ZPBP: variants seen among roughly 807,000 people sequenced by gnomAD.
ZPBP encodes the protein zona pellucida binding protein.
In ZPBP, 26 loss-of-function variants were observed where a neutral mutation model predicts 44.8. That is an observed-to-expected ratio of 0.58 (90% CI 0.43 to 0.81). ZPBP has a LOEUF of 0.81. Among genes scored for constraint, ZPBP ranks in the 30% least tolerant of loss-of-function variants. The pLI is 0.00. For missense variants in ZPBP, 409 were observed against 434.0 expected, an observed-to-expected ratio of 0.94 and a Z score of 0.51; for synonymous variants, 174 against 153.2, an observed-to-expected ratio of 1.14 and a Z score of -1.00.
At chr7:49,846,618 A>G (rs1427541535), downstream of ZPBP, among the ~76,000 whole-genome samples, 2 of 152,108 alleles carry the variant, frequency 1.3e-5, no homozygotes, top group African/African-American at 2.4e-5. Flanking sequence ...TTACACTGTT[A>G]TTATTATTGC....
At chr7:49,874,930 T>C (rs1791333381) in intron 2 of ZPBP, among the ~76,000 whole-genome samples, 2 of 152,190 alleles carry the variant, frequency 1.3e-5, no homozygotes, top group South Asian at 4.1e-4. Context: ...GAATTGTAAT[T>C]ACCCACATAA....
intron 3 of ZPBP, among the ~76,000 whole-genome samples, chr7:50,069,994 C>T (rs1259476013): frequency 6.6e-6 from 1 of 152,148 alleles, no homozygotes; most frequent in African/African-American, 2.4e-5. Context: ...TGCCATTTCA[C>T]ACATCTCCCT....
intron 7 of ZPBP, among the ~76,000 whole-genome samples, chr7:49,959,579 T>A (rs1795761605): frequency 1.3e-5 from 2 of 152,078 alleles, no homozygotes; most frequent in Non-Finnish European, 2.9e-5. Context: ...AAATGAAAAC[T>A]ACAAAACATC....
At position 50,089,559 on chromosome 7, in the gene ZPBP, G is replaced by T. The variant is rs566804969; in HGVS notation, c.208+70C>A. On this transcript the variant is annotated intron_variant, in intron 2 of 7. Transcript: ENST00000046087. ...GATAAATGAAGAGCATTAGCCTTTT[G>T]GAGAAGACTGATAAATTTAAACAAA... The T allele has an allele frequency of 5.9e-5, 68 of 1,152,104 alleles. No homozygotes were observed. In the African/African-American group the frequency reaches 7.4e-4, roughly 12 times the overall value. The allele number at this position is 1,152,104 out of a possible 1,614,324, so 71.4% of individuals were successfully genotyped here.
chr7:50,088,607 A>G (rs1424603041), intron 2 of ZPBP, among the ~76,000 whole-genome samples: 2 of 152,050 alleles, frequency 1.3e-5, no homozygotes, highest in Non-Finnish European at 2.9e-5. Context: ...AAAGGACTTG[A>G]ATAGGCATTT....
chr7:50,001,807 T>A (rs1441970718), intron 6 of ZPBP, among the ~76,000 whole-genome samples: 1 of 152,172 alleles, frequency 6.6e-6, no homozygotes, highest in Non-Finnish European at 1.5e-5. Context: ...AATGCCAACA[T>A]GACTATTGTT....
At chr7:50,013,758 G>A (rs1383706909) in intron 6 of ZPBP, among the ~76,000 whole-genome samples, 1 of 151,882 alleles carries the variant, frequency 6.6e-6, no homozygotes, top group Non-Finnish European at 1.5e-5. Flanking sequence ...TTGTAATCAA[G>A]CTCCACTTGG....
chr7:49,981,830 AATTATATAG>A (rs1796993304), intron 7 of ZPBP, among the ~76,000 whole-genome samples: 1 of 79,160 alleles, frequency 1.3e-5, no homozygotes, highest in South Asian at 4.6e-4. Context: ...TAATTATATG[AATTATATAG>A]ATTATATAAT....
intron 2 of ZPBP, among the ~76,000 whole-genome samples, chr7:49,871,908 AACACACACACACACACACACACACAC>A (rs72332840): frequency 5.7e-5 from 5 of 87,906 alleles, no homozygotes; most frequent in Admixed American, 1.3e-4. Context: ...TGTGTATATA[AACACACACACACACACACACACACAC>A]ACACACACAC....
chr7:49,911,933 A>ACACACACT, intron 1 of ZPBP: 1 of 859,014 alleles, frequency 1.2e-6, no homozygotes, highest in Non-Finnish European at 1.6e-6. Context: ...GCACACACAC[A>ACACACACT]CACACACACA....
At chr7:50,086,946 G>A (rs1023075899) in intron 2 of ZPBP, among the ~76,000 whole-genome samples, 1 of 151,964 alleles carries the variant, frequency 6.6e-6, no homozygotes. Flanking sequence ...TAGCAAGAGA[G>A]AAGCAACTTA....
At chr7:49,958,729 A>G (rs958437659) in intron 7 of ZPBP, among the ~76,000 whole-genome samples, 3 of 152,240 alleles carry the variant, frequency 2.0e-5, no homozygotes, top group Non-Finnish European at 1.5e-5. Context: ...GTGCTTTATT[A>G]GTGCAGGGAT....
At chr7:49,988,442 T>C (rs1797416883) in intron 6 of ZPBP, among the ~76,000 whole-genome samples, 1 of 152,158 alleles carries the variant, frequency 6.6e-6, no homozygotes, top group Non-Finnish European at 1.5e-5. Flanking sequence ...AAATGATGCT[T>C]AATCTTCTTT....
At chr7:49,924,839 G>C (rs1298589926) in intron 1 of ZPBP, among the ~76,000 whole-genome samples, 2 of 152,158 alleles carry the variant, frequency 1.3e-5, no homozygotes, top group African/African-American at 4.8e-5. Flanking sequence ...CAGGATTTGA[G>C]GAACGACACC....
intron 5 of ZPBP, among the ~76,000 whole-genome samples, chr7:50,030,849 C>A (rs1799575112): frequency 6.6e-6 from 1 of 152,042 alleles, no homozygotes; most frequent in Non-Finnish European, 1.5e-5. Context: ...ATACTAAATT[C>A]CACTCTACAG....
chr7:50,064,991 G>C (rs1801428140), intron 3 of ZPBP, among the ~76,000 whole-genome samples: 2 of 152,192 alleles, frequency 1.3e-5, no homozygotes, highest in Non-Finnish European at 2.9e-5. Flanking sequence ...AATTATAAAA[G>C]TATTAATTTG....
intron 7 of ZPBP, among the ~76,000 whole-genome samples, chr7:49,953,075 A>C (rs528344476): frequency 5.5e-4 from 83 of 152,152 alleles, no homozygotes; most frequent in Non-Finnish European, 1.0e-3. Context: ...GTGAGCCTAC[A>C]ATTAGTAAAC....
chr7:50,049,821 T>C (rs1562871016), intron 4 of ZPBP, among the ~76,000 whole-genome samples: 1 of 148,710 alleles, frequency 6.7e-6, no homozygotes, highest in East Asian at 2.0e-4. Context: ...GGCTCCTCAA[T>C]AAAAAAAAAC....
At chr7:49,926,465 A>T (rs1400952438) in intron 1 of ZPBP, among the ~76,000 whole-genome samples, 8 of 152,198 alleles carry the variant, frequency 5.3e-5, no homozygotes, top group Non-Finnish European at 1.2e-4. Context: ...TTTTCAAAGC[A>T]TCTGCTTCAC....
Sources: allele counts gnomAD v4.1 joint callset (sites outside exome capture counted in the v4.1 genomes callset), GRCh38; gene constraint gnomAD v4.1.1; transcripts MANE v1.5; gene names NCBI Gene and HGNC (gene_info 2026-07-23, HGNC 2026-07-21).